Variants in MAPK14 observed in about 807,000 individuals in gnomAD.
MAPK14 encodes CSAID-binding protein.
MAPK14 carries 16 observed loss-of-function variants against 49.6 expected under a neutral mutation model. The ratio of observed to expected loss-of-function variants is 0.32; its 90% CI spans 0.22 to 0.49. The LOEUF (loss-of-function observed/expected upper bound fraction) is 0.49, where lower values mean the gene tolerates loss of function less well. MAPK14 is among the 20% of genes least tolerant of loss of function. The pLI is 0.99. For synonymous variants in MAPK14, 142 were observed against 158.0 expected (o/e 0.90, Z 0.76); for missense variants, 200 against 441.2 (o/e 0.45, Z 4.90).
intron 8 of MAPK14, among the ~76,000 whole-genome samples, chr6:36,093,733 A>C (rs1298662737): frequency 1.3e-5 from 2 of 151,656 alleles, no homozygotes; most frequent in East Asian, 1.9e-4. Flanking sequence ...AAAAAAAAAA[A>C]AAAAAAAAAA....
At chr6:36,067,620 T>A (rs1390230540) in intron 3 of MAPK14, among the ~76,000 whole-genome samples, 2 of 152,196 alleles carry the variant, frequency 1.3e-5, no homozygotes, top group Admixed American at 1.3e-4. Flanking sequence ...ATGCAGGTAA[T>A]GTAGAGGGCA....
intron 3 of MAPK14, among the ~76,000 whole-genome samples, chr6:36,062,688 C>CG (rs1763872566): frequency 7.6e-6 from 1 of 130,968 alleles, no homozygotes; most frequent in African/African-American, 2.8e-5. Flanking sequence ...GGTGGAGTCT[C>CG]GCTCTGTCAC....
chr6:36,039,555 A>C (rs1762878918), intron 1 of MAPK14, among the ~76,000 whole-genome samples: 1 of 152,136 alleles, frequency 6.6e-6, no homozygotes, highest in African/African-American at 2.4e-5. Flanking sequence ...TATGGCTTAA[A>C]ATGTAGACAC....
chr6:36,067,855 C>A (rs1013810898), intron 3 of MAPK14, among the ~76,000 whole-genome samples: 2 of 151,938 alleles, frequency 1.3e-5, no homozygotes, highest in African/African-American at 4.8e-5. Flanking sequence ...AATTGAGTGC[C>A]TACTATCTAT....
intron 3 of MAPK14, among the ~76,000 whole-genome samples, chr6:36,061,804 C>A (rs1236016369): frequency 2.0e-5 from 3 of 152,206 alleles, no homozygotes; most frequent in Non-Finnish European, 4.4e-5. Flanking sequence ...AGTCATTTCA[C>A]TGTAAAATGA....
chr6:36,028,790 C>CTTTTTTT lies in MAPK14; in HGVS notation c.116+517_116+518insTTTTTTT, dbSNP rs1562090295. ...GACCAGGAAGGGAGCTCTCTCCGGG[C>CTTTTTTT]CTTTTTTTTTTTTTTTTTTTTTCAA... On this transcript the variant is annotated intron_variant, in intron 1 of 11. Transcript: ENST00000229794. The surrounding 1 kb of genome is among the most constrained non-coding windows in gnomAD (Gnocchi z 5.1). 6.3e-3 allele frequency among the ~76,000 whole-genome samples: 865 copies of CTTTTTTT among 137,414 alleles called. 13 individuals carry two copies. Among genetic ancestry groups the CTTTTTTT allele is most frequent in the African/African-American group, 0.023 (804 of 35,252 alleles). 90.1% of individuals were successfully genotyped at this position (137,414 alleles called of 152,430 possible).
intron 8 of MAPK14, among the ~76,000 whole-genome samples, chr6:36,083,994 A>C (rs1395928155): frequency 1.3e-5 from 2 of 152,118 alleles, no homozygotes; most frequent in Non-Finnish European, 2.9e-5. Context: ...AGAGGAAGGA[A>C]CAGGCAGCCA....
At chr6:36,101,423 C>CAG (rs1765632234) in intron 9 of MAPK14, among the ~76,000 whole-genome samples, 1 of 151,976 alleles carries the variant, frequency 6.6e-6, no homozygotes, top group African/African-American at 2.4e-5. Flanking sequence ...GGCAACAGAG[C>CAG]AGAGACTGTG....
At chr6:36,115,927 CAA>C (rs60613902), downstream of MAPK14, among the ~76,000 whole-genome samples, 156 of 106,316 alleles carry the variant, frequency 1.5e-3, no homozygotes, top group South Asian at 2.7e-3. Context: ...GACTCCGTCT[CAA>C]AAAAAAAAAA....
intron 8 of MAPK14, among the ~76,000 whole-genome samples, chr6:36,081,221 G>C (rs563443834): frequency 6.6e-6 from 1 of 151,812 alleles, no homozygotes; most frequent in South Asian, 2.1e-4. Flanking sequence ...CTTTTTTGAT[G>C]TCATATTTTA....
chr6:36,073,930 G>T (rs3730326), intron 5 of MAPK14, 119 bp from the exon 6 acceptor site: 90,489 of 903,246 alleles, frequency 0.1, 5,081 homozygotes, highest in Middle Eastern at 0.13. Flanking sequence ...GTAGGATGGA[G>T]ATTGTCTTTT....
At position 36,059,408 on chromosome 6, in the gene MAPK14, C is replaced by T. The variant is rs1042141366; in HGVS notation, c.305+61C>T. 2.5e-6 allele frequency: 3 copies of T among 1,177,786 alleles called. No individual in the cohort carries two copies. The African/African-American group carries it at 4.6e-5, about 18-fold the overall frequency. 73.0% of individuals were successfully genotyped at this position (1,177,786 alleles called of 1,614,324 possible). On this transcript the variant is annotated intron_variant, in intron 3 of 11. Transcript: ENST00000229794. ...CAGAATGAAGACTAATAGCCCATTT[C>T]TATTCCTGAACCATTTAGCAACATA...
At chr6:36,031,874 A>G (rs999670394) in intron 1 of MAPK14, among the ~76,000 whole-genome samples, 6 of 152,340 alleles carry the variant, frequency 3.9e-5, no homozygotes, top group Non-Finnish European at 8.8e-5. Flanking sequence ...AAGTAACAAC[A>G]CATAATTTTT....
chr6:36,104,633 C>T (rs1403478419), intron 10 of MAPK14, among the ~76,000 whole-genome samples: 6 of 152,264 alleles, frequency 3.9e-5, no homozygotes, highest in African/African-American at 1.2e-4. Flanking sequence ...GTGACCTGCC[C>T]GCCTCGGCCT....
chr6:36,038,812 CTT>C (rs1231190036), intron 1 of MAPK14, among the ~76,000 whole-genome samples: 1 of 152,142 alleles, frequency 6.6e-6, no homozygotes, highest in Non-Finnish European at 1.5e-5. Context: ...GAGATTAGCT[CTT>C]GAGTTTAGCT....
At chr6:36,094,993 T>C (rs1008116493) in intron 8 of MAPK14, among the ~76,000 whole-genome samples, 1 of 152,176 alleles carries the variant, frequency 6.6e-6, no homozygotes, top group African/African-American at 2.4e-5. Context: ...CATCCTCCCC[T>C]TCTCCCTCCC....
Position 36,031,205 on chromosome 6 carries a change from G to A in MAPK14, c.116+2932G>A, listed in dbSNP as rs374317295. Among the ~76,000 whole-genome samples, 6 of 152,038 alleles carry A rather than the reference G, an allele frequency of 3.9e-5. No homozygotes were observed. The South Asian group carries it at 1.2e-3, about 31-fold the overall frequency. ...AATTTTTGTATTTTTAGTAGAGACG[G>A]GGTTCTCCATGTTGGCCAGGCTGGT... On this transcript the variant is annotated intron_variant, in intron 1 of 11. Coordinates refer to ENST00000229794, the MANE Select transcript of MAPK14 (RefSeq NM_139012.3).
Position 36,090,392 on chromosome 6 carries a change from C to T in MAPK14, c.683-5595C>T, listed in dbSNP as rs1052366606. On this transcript the variant is annotated intron_variant, in intron 8 of 11. Coordinates refer to ENST00000229794, the MANE Select transcript of MAPK14 (RefSeq NM_139012.3). ...AGGCTGGAATGCAGTGGCGCAATCT[C>T]GGCTCACTGCAACCTCCACCTCCTG... 4.6e-5 allele frequency among the ~76,000 whole-genome samples: 7 copies of T among 151,856 alleles called. No homozygotes were observed. In the South Asian group the frequency reaches 6.2e-4, roughly 14 times the overall value.
At chr6:36,090,540 TTTG>T (rs1765182518) in intron 8 of MAPK14, among the ~76,000 whole-genome samples, 1 of 151,436 alleles carries the variant, frequency 6.6e-6, no homozygotes. Context: ...TTTTTTTTTT[TTTG>T]GAGACAGAGT....
Sources: allele counts gnomAD v4.1 joint callset (sites outside exome capture counted in the v4.1 genomes callset), GRCh38; gene constraint gnomAD v4.1.1; non-coding constraint Gnocchi (gnomAD v3.1); transcripts MANE v1.5; gene names NCBI Gene and HGNC (gene_info 2026-07-23, HGNC 2026-07-21).